The following ARHGAP24 variants were observed in gnomAD, a reference collection of about 807,000 sequenced individuals.
ARHGAP24 encodes rho GTPase-activating protein 24.
ARHGAP24 carries 50 observed loss-of-function variants against 76.4 expected under a neutral mutation model. The observed-to-expected ratio is 0.65, with a 90% CI of 0.52 to 0.83. The LOEUF (loss-of-function observed/expected upper bound fraction) is 0.83. ARHGAP24 is among the 40% of genes least tolerant of loss of function. The probability of loss-of-function intolerance (pLI) is 0.00; values close to 1 mark genes in which losing one functional copy is unlikely to be tolerated. For synonymous variants in ARHGAP24, 345 were observed against 323.3 expected (o/e 1.07, Z -0.72); for missense variants, 930 against 914.2 (o/e 1.02, Z -0.22).
intron 2 of ARHGAP24, chr4:85,686,483 C>G (rs147573525): frequency 1.3e-5 from 2 of 152,224 alleles, no homozygotes; most frequent in Admixed American, 1.3e-4. Context: ...AAAACGAAGT[C>G]CTGGGTGACT....
At chr4:85,804,220 A>G (rs1271499352) in intron 3 of ARHGAP24, among the ~76,000 whole-genome samples, 2 of 152,212 alleles carry the variant, frequency 1.3e-5, no homozygotes, top group Admixed American at 6.5e-5. Context: ...GAGCAGTATA[A>G]TGAACATTGT....
At chr4:85,938,859 CA>C (rs1161866225) in intron 4 of ARHGAP24, among the ~76,000 whole-genome samples, 1 of 151,898 alleles carries the variant, frequency 6.6e-6, no homozygotes, top group Non-Finnish European at 1.5e-5. Context: ...CCCCAATTCC[CA>C]ATTTATATTT....
chr4:85,789,807 T>C (rs898092154), intron 3 of ARHGAP24, among the ~76,000 whole-genome samples: 3 of 152,182 alleles, frequency 2.0e-5, no homozygotes, highest in Admixed American at 6.5e-5. Context: ...GCTAAGGATA[T>C]ACTAGAATCT....
At chr4:85,686,791 A>C (rs147787735) in intron 2 of ARHGAP24, 1 of 151,878 alleles carries the variant, frequency 6.6e-6, no homozygotes, top group Admixed American at 6.6e-5. Flanking sequence ...GGAAAAAAAT[A>C]CTTTTAAAAA....
At chr4:85,826,275 C>T (rs1420928520) in intron 3 of ARHGAP24, among the ~76,000 whole-genome samples, 1 of 152,180 alleles carries the variant, frequency 6.6e-6, no homozygotes, top group Non-Finnish European at 1.5e-5. Flanking sequence ...GCTAACCTTT[C>T]CCCTTCATTA....
chr4:85,988,095 A>G (rs1560768244), intron 8 of ARHGAP24, among the ~76,000 whole-genome samples: 2 of 151,914 alleles, frequency 1.3e-5, no homozygotes, highest in Admixed American at 1.3e-4. Flanking sequence ...TTTCAAATAT[A>G]AAAAGGAGCT....
intron 1 of ARHGAP24, among the ~76,000 whole-genome samples, chr4:85,530,099 T>G (rs1200600494): frequency 6.6e-6 from 1 of 151,948 alleles, no homozygotes; most frequent in Non-Finnish European, 1.5e-5. Context: ...ACAAAACAGA[T>G]GTACTCTTAA....
At chr4:85,813,525 C>T (rs955519699) in intron 3 of ARHGAP24, among the ~76,000 whole-genome samples, 3 of 151,988 alleles carry the variant, frequency 2.0e-5, no homozygotes, top group African/African-American at 7.3e-5. Context: ...TTGTAAAATT[C>T]CTACAGTCTT....
intron 3 of ARHGAP24, among the ~76,000 whole-genome samples, chr4:85,727,632 G>A (rs917865998): frequency 1.8e-4 from 28 of 152,120 alleles, no homozygotes; most frequent in African/African-American, 6.5e-4. Flanking sequence ...AGTATACATT[G>A]CTGAAATTGT....
At chr4:85,607,892 T>C (rs1198469438) in intron 2 of ARHGAP24, among the ~76,000 whole-genome samples, 2 of 151,620 alleles carry the variant, frequency 1.3e-5, no homozygotes, top group East Asian at 3.9e-4. Flanking sequence ...TGAAAGTGCA[T>C]GATGCCTGGT....
At chr4:85,729,034 CCTTAT>C (rs1203856822) in intron 3 of ARHGAP24, among the ~76,000 whole-genome samples, 4 of 152,120 alleles carry the variant, frequency 2.6e-5, no homozygotes, top group African/African-American at 9.7e-5. Flanking sequence ...TACAACACTC[CCTTAT>C]CTTAACTTTT....
chr4:85,715,615 TTTAC>T (rs1465790667), intron 2 of ARHGAP24, among the ~76,000 whole-genome samples: 6 of 152,028 alleles, frequency 3.9e-5, no homozygotes, highest in Non-Finnish European at 5.9e-5. Flanking sequence ...CTAGAATAGA[TTTAC>T]TTAATCACAA....
chr4:85,581,192 TAAAGTACTA>T (rs1322749870), intron 2 of ARHGAP24, among the ~76,000 whole-genome samples: 5 of 152,138 alleles, frequency 3.3e-5, no homozygotes, highest in Non-Finnish European at 5.9e-5. Flanking sequence ...TTTAAAATAT[TAAAGTACTA>T]AAATATAGCA....
At chr4:85,998,492 AT>A (rs1740812464) in intron 9 of ARHGAP24, among the ~76,000 whole-genome samples, 2 of 151,948 alleles carry the variant, frequency 1.3e-5, no homozygotes, top group African/African-American at 4.8e-5. Context: ...CATCTTTACA[AT>A]TCTGGAATAT....
At chr4:85,910,751 G>T (rs1222424656) in intron 3 of ARHGAP24, among the ~76,000 whole-genome samples, 1 of 152,084 alleles carries the variant, frequency 6.6e-6, no homozygotes, top group Non-Finnish European at 1.5e-5. Flanking sequence ...GGGCCTCAGA[G>T]GGTTGGAAGT....
intron 3 of ARHGAP24, among the ~76,000 whole-genome samples, chr4:85,723,978 A>T (rs1325103886): frequency 1.3e-5 from 2 of 152,232 alleles, no homozygotes; most frequent in Admixed American, 1.3e-4. Context: ...TGACAAGATA[A>T]TATTTTTCAA....
At chr4:85,842,723 A>G (rs1730672611) in intron 3 of ARHGAP24, among the ~76,000 whole-genome samples, 1 of 152,234 alleles carries the variant, frequency 6.6e-6, no homozygotes, top group Non-Finnish European at 1.5e-5. Flanking sequence ...GCTGTCTGGA[A>G]AAAGGAGAAC....
Position 85,697,516 on chromosome 4 carries a change from AT to A in ARHGAP24, c.181-24368del, listed in dbSNP as rs202198553. ...TATAATAATAATAAATTTTAAAAAA[AT>A]ATGTCTGCATAAAACCAGTGAACAT... On this transcript the variant is annotated intron_variant, in intron 2 of 9. Coordinates refer to ENST00000395184, the MANE Select transcript of ARHGAP24 (RefSeq NM_001025616.3). Among the ~76,000 whole-genome samples, 802 of 152,378 alleles carry A rather than the reference AT, an allele frequency of 5.3e-3. 6 individuals are homozygous for A. The highest frequency in any genetic ancestry group is 0.018 in the African/African-American group (758 of 41,588).
intron 3 of ARHGAP24, among the ~76,000 whole-genome samples, chr4:85,742,171 C>T (rs1185837920): frequency 6.6e-6 from 1 of 152,150 alleles, no homozygotes; most frequent in African/African-American, 2.4e-5. Context: ...CACCATGGCA[C>T]AGAGTGGGCA....
Sources: gnomAD v4.1 joint callset for allele counts (sites outside exome capture counted in the v4.1 genomes callset) on GRCh38, gnomAD v4.1.1 for gene constraint, MANE v1.5 for transcripts, NCBI Gene and HGNC (gene_info 2026-07-23, HGNC 2026-07-21) for gene names.